The following GCNT1 variants were observed in gnomAD, a reference collection of about 807,000 sequenced individuals.
GCNT1 encodes the protein beta-1,3-galactosyl-O-glycosyl-glycoprotein beta-1,6-N-acetylglucosaminyltransferase.
A neutral mutation model predicts 26.2 loss-of-function variants in GCNT1; 16 were observed. The ratio of observed to expected loss-of-function variants is 0.61; its 90% confidence interval spans 0.41 to 0.93. The LOEUF (loss-of-function observed/expected upper bound fraction) is 0.93, where lower values mean the gene tolerates loss of function less well. Ranked by LOEUF, GCNT1 falls within the 40% of genes least tolerant of loss-of-function variation. The probability of loss-of-function intolerance (pLI) is 0.00; values close to 1 mark genes in which losing one functional copy is unlikely to be tolerated. For synonymous variants in GCNT1, 183 were observed against 190.8 expected (o/e 0.96, Z 0.34); for missense variants, 477 against 526.7 (o/e 0.91, Z 0.92).
the GCNT1 span, among the ~76,000 whole-genome samples, chr9:76,410,635 T>C: frequency 6.6e-6 from 1 of 152,224 alleles, no homozygotes; most frequent in East Asian, 1.9e-4. Context: ...CTAATAACAT[T>C]TTTTAAGGTG....
the GCNT1 span, among the ~76,000 whole-genome samples, chr9:76,414,103 T>C: frequency 6.6e-6 from 1 of 152,262 alleles, no homozygotes; most frequent in Non-Finnish European, 1.5e-5. Context: ...CCATCTGTTC[T>C]TGAATTCTGC....
At chr9:76,455,902 C>T (rs1823752272), upstream of GCNT1, among the ~76,000 whole-genome samples, 5 of 152,236 alleles carry the variant, frequency 3.3e-5, no homozygotes, top group Admixed American at 3.3e-4. Context: ...CATGCCCTGC[C>T]TCTGTCCCGT....
At chr9:76,476,987 C>T (rs910533011) in intron 2 of GCNT1, among the ~76,000 whole-genome samples, 3 of 152,022 alleles carry the variant, frequency 2.0e-5, no homozygotes, top group African/African-American at 7.2e-5. Flanking sequence ...TCTTGGCTCA[C>T]GTTTGAAACC....
intron 2 of GCNT1, among the ~76,000 whole-genome samples, chr9:76,477,013 C>T (rs965338618): frequency 1.3e-5 from 2 of 152,032 alleles, no homozygotes; most frequent in African/African-American, 4.8e-5. Context: ...CTCCCAGGCT[C>T]AAGCGAGTCT....
intron 2 of GCNT1, among the ~76,000 whole-genome samples, chr9:76,480,944 A>AG (rs1258494448): frequency 6.6e-6 from 1 of 151,992 alleles, no homozygotes. Flanking sequence ...AGGATTACTC[A>AG]GAAAAAAAAA....
rs140898110 is a variant in GCNT1 at position 76,504,335 on chromosome 9, A to G, written c.*667A>G. On this transcript the variant is annotated 3_prime_UTR_variant, in exon 4 of 4. Coordinates refer to ENST00000376730, the MANE Select transcript of GCNT1 (RefSeq NM_001490.5). Reference sequence around the variant, plus strand: ...AAAATGACAATTTCTAGTTTAGTTAATTTCTACAAATCATCTTATGTTATT... The same window carrying G: ...AAAATGACAATTTCTAGTTTAGTTAGTTTCTACAAATCATCTTATGTTATT... The G allele has an allele frequency of 2.6e-3, 441 of 170,998 alleles. 2 individuals are homozygous for G. Among genetic ancestry groups the G allele is most frequent in the African/African-American group, 9.2e-3 (384 of 41,748 alleles). 10.6% of individuals were successfully genotyped at this position (170,998 alleles called of 1,614,324 possible). A position where few individuals can be genotyped will look rare whatever the true frequency, so the allele number is the denominator to read the frequency against.
rs145373981 is a variant in GCNT1 at position 76,443,876 on chromosome 9, G to GGAAAGAAAGAAA, written c.-290+1575_-290+1586dup. ...CAGAGTGAGACTCTGTCTAAAAAAAGGAAAGAAAGAAAGAAAGAAAGAAAG... is the reference window on the plus strand; with the variant it reads ...CAGAGTGAGACTCTGTCTAAAAAAAGGAAAGAAAGAAAGAAAGAAAGAAAGAAAGAAAGAAAG... On this transcript the variant is annotated intron_variant, in intron 1 of 2. Coordinates refer to the GCNT1 transcript ENST00000442371. Among the ~76,000 whole-genome samples, 137 of 54,298 alleles carry GGAAAGAAAGAAA rather than the reference G, an allele frequency of 2.5e-3. 1 individual carries two copies. Among genetic ancestry groups the GGAAAGAAAGAAA allele is most frequent in the Non-Finnish European group, 3.4e-3 (81 of 24,078 alleles). 35.6% of individuals were successfully genotyped at this position (54,298 alleles called of 152,430 possible). A position where few individuals can be genotyped will look rare whatever the true frequency, so the allele number is the denominator to read the frequency against.
At chr9:76,395,571 A>C in the GCNT1 span, among the ~76,000 whole-genome samples, 2 of 152,002 alleles carry the variant, frequency 1.3e-5, no homozygotes, top group Admixed American at 1.3e-4. Flanking sequence ...TGGGCGACAC[A>C]GTGAGACACC....
At chr9:76,476,252 A>T (rs1459711093) in intron 2 of GCNT1, among the ~76,000 whole-genome samples, 2 of 152,010 alleles carry the variant, frequency 1.3e-5, no homozygotes, top group East Asian at 3.9e-4. Context: ...CGTTCAGAAA[A>T]CCCAAGACGT....
intron 2 of GCNT1, among the ~76,000 whole-genome samples, chr9:76,467,897 GTTTTTTTTTTTT>G (rs35387152): frequency 1.0e-4 from 6 of 59,096 alleles, no homozygotes; most frequent in East Asian, 4.8e-4. Context: ...CTCTTTCAGT[GTTTTTTTTTTTT>G]TTTTTTTTTT....
the GCNT1 span, chr9:76,394,064 G>A: frequency 6.4e-7 from 1 of 1,570,360 alleles, no homozygotes; most frequent in South Asian, 1.2e-5. Context: ...ACCCGGCCCG[G>A]GGGACTCTGG....
the GCNT1 span, among the ~76,000 whole-genome samples, chr9:76,412,407 T>G: frequency 1.3e-5 from 2 of 152,244 alleles, no homozygotes; most frequent in African/African-American, 4.8e-5. Context: ...ATTATTTTTC[T>G]TCTATGTGAA....
At chr9:76,424,269 T>C (rs1406689286) in intron 1 of GCNT1, among the ~76,000 whole-genome samples, 1 of 152,204 alleles carries the variant, frequency 6.6e-6, no homozygotes, top group Admixed American at 6.5e-5. Flanking sequence ...GCCTGGGTCC[T>C]GGGGAAGCAG....
At position 76,505,821 on chromosome 9, in the gene GCNT1, C is replaced by T. The variant is rs142021497; in HGVS notation, c.*2153C>T. 712 of 166,214 alleles carry T rather than the reference C, an allele frequency of 4.3e-3. 6 individuals are homozygous for T. The highest frequency in any genetic ancestry group is 0.039 in the East Asian group (202 of 5,188). 10.3% of individuals were successfully genotyped at this position (166,214 alleles called of 1,614,324 possible). ...TGCATCTGATTTATATTTAAATTGG[C>T]AGGTTTTGAGGGATTTTTTTCTTCA... On this transcript the variant is annotated 3_prime_UTR_variant, in exon 4 of 4. Coordinates refer to ENST00000376730, the MANE Select transcript of GCNT1 (RefSeq NM_001490.5).
intron 1 of GCNT1, among the ~76,000 whole-genome samples, chr9:76,431,330 C>CA (rs753688679): frequency 1.8e-4 from 28 of 152,324 alleles, no homozygotes; most frequent in African/African-American, 6.5e-4. Context: ...GTCATCCATA[C>CA]TCTGACCTAC....
At chr9:76,486,826 A>G (rs1269313556) in intron 2 of GCNT1, among the ~76,000 whole-genome samples, 1 of 152,194 alleles carries the variant, frequency 6.6e-6, no homozygotes, top group Non-Finnish European at 1.5e-5. Context: ...CTACAATCCT[A>G]GCACTTCGGG....
the GCNT1 span, chr9:76,398,806 G>A: frequency 3.7e-6 from 5 of 1,342,898 alleles, no homozygotes; most frequent in Middle Eastern, 1.8e-4. Flanking sequence ...AGATGGAACA[G>A]TACATCTGTA....
intron 2 of GCNT1, among the ~76,000 whole-genome samples, chr9:76,466,303 TTTTG>T (rs143623538): frequency 0.018 from 2,771 of 152,160 alleles, 74 homozygotes; most frequent in African/African-American, 0.063. Flanking sequence ...GCTACTGGGA[TTTTG>T]TTTGTTTTGT....
At chr9:76,446,921 G>T (rs1823585810) in intron 1 of GCNT1, among the ~76,000 whole-genome samples, 1 of 152,076 alleles carries the variant, frequency 6.6e-6, no homozygotes, top group African/African-American at 2.4e-5. Flanking sequence ...TTGGGAGGCT[G>T]AGACGGGCAG....
Sources: gnomAD v4.1 joint callset for allele counts (sites outside exome capture counted in the v4.1 genomes callset) on GRCh38, gnomAD v4.1.1 for gene constraint, MANE v1.5 for transcripts, NCBI Gene and HGNC (gene_info 2026-07-23, HGNC 2026-07-21) for gene names.